The following ABCB5 variants were observed in gnomAD, a reference collection of about 807,000 sequenced individuals.
ABCB5 encodes ATP-binding cassette sub-family B member 5.
A neutral mutation model predicts 144.2 loss-of-function variants in ABCB5; 155 were observed. That is an observed-to-expected ratio of 1.08 (90% CI 0.94 to 1.23). The LOEUF is 1.23. Among genes scored for constraint, ABCB5 ranks in the 50% most tolerant of loss-of-function variants. The pLI is 0.00. For missense variants in ABCB5, 1,830 were observed against 1,520.8 expected (o/e 1.20, Z -3.38); for synonymous variants, 610 against 528.6 (o/e 1.15, Z -2.11).
Position 20,738,968 on chromosome 7 carries a change from T to C in ABCB5, c.2868-15T>C. 2.5e-6 allele frequency: 4 copies of C among 1,576,518 alleles called. No individual in the cohort carries two copies. Among genetic ancestry groups the C allele is most frequent in the South Asian group, 2.4e-5 (2 of 85,028 alleles). On this transcript the variant is annotated splice_polypyrimidine_tract_variant and intron_variant, in intron 23 of 27. Coordinates refer to ENST00000404938, the MANE Select transcript of ABCB5 (RefSeq NM_001163941.2). ...ATCGATGGACCTAAGATTCAAATGC[T>C]TTATCTTTTGATAGAGTTTTTACTG...
intron 14 of ABCB5, among the ~76,000 whole-genome samples, chr7:20,680,289 G>T (rs1213419380): frequency 6.6e-6 from 1 of 152,136 alleles, no homozygotes; most frequent in Non-Finnish European, 1.5e-5. Flanking sequence ...GCCGAGCGCG[G>T]TGGTCACGCC....
At chr7:20,731,297 G>T (rs1318567672) in intron 23 of ABCB5, among the ~76,000 whole-genome samples, 1 of 145,710 alleles carries the variant, frequency 6.9e-6, no homozygotes, top group African/African-American at 2.6e-5. Flanking sequence ...AGGTTGCAGT[G>T]AGCCGAGATC....
chr7:20,662,286 T>C (rs545583562), intron 14 of ABCB5, among the ~76,000 whole-genome samples: 2 of 152,318 alleles, frequency 1.3e-5, no homozygotes, highest in South Asian at 2.1e-4. Context: ...GTCTTAACCA[T>C]CACTGTGCTT....
intron 15 of ABCB5, among the ~76,000 whole-genome samples, chr7:20,683,215 C>A (rs996369000): frequency 5.9e-5 from 9 of 152,014 alleles, no homozygotes; most frequent in Non-Finnish European, 1.0e-4. Context: ...TCTGAACATA[C>A]CCTAAGAAGC....
intron 15 of ABCB5, 29 bp downstream of exon 15, chr7:20,681,695 C>G: frequency 1.2e-6 from 2 of 1,604,154 alleles, no homozygotes. Flanking sequence ...AATGCTATGT[C>G]AGCAGGGTTT....
intron 3 of ABCB5, 86 bp from the exon 4 acceptor site, chr7:20,628,602 G>T: frequency 1.4e-6 from 2 of 1,409,844 alleles, no homozygotes; most frequent in Non-Finnish European, 9.7e-7. Context: ...GGTGGCAAAG[G>T]CTGTAGGCTG....
At chr7:20,754,680 A>C (rs929018486) in intron 27 of ABCB5, among the ~76,000 whole-genome samples, 5 of 152,184 alleles carry the variant, frequency 3.3e-5, no homozygotes, top group African/African-American at 1.2e-4. Flanking sequence ...TAGATAAATA[A>C]ATTAGACAAT....
Position 20,651,520 on chromosome 7 carries a change from T to C in ABCB5, c.1433T>C (p.Ile478Thr). The change falls in exon 13 of 28, where the codon ATC becomes ACC. Residue 478 changes from isoleucine to threonine, a missense_variant. Coordinates refer to ENST00000404938, the MANE Select transcript of ABCB5 (RefSeq NM_001163941.2). ...SQEPVLFGTT[I>T]SNNIKYGRDD... ...GAGCCTGTTTTGTTCGGGACCACCA[T>C]CAGTAACAATATCAAGTATGGACGA... 6.2e-7 allele frequency: 1 copy of C among 1,614,094 alleles called. No individual in the cohort carries two copies. Among genetic ancestry groups the C allele is most frequent in the Non-Finnish European group, 8.5e-7 (1 of 1,180,014 alleles).
At chr7:20,693,208 A>T (rs1490821542) in intron 16 of ABCB5, among the ~76,000 whole-genome samples, 3 of 152,016 alleles carry the variant, frequency 2.0e-5, no homozygotes, top group Non-Finnish European at 2.9e-5. Context: ...ACAAAAAAAA[A>T]TAATAATAAT....
chr7:20,740,097 G>A lies in ABCB5; in HGVS notation c.3024+958G>A, dbSNP rs184920176. 1.4e-3 allele frequency among the ~76,000 whole-genome samples: 211 copies of A among 152,216 alleles called. 1 individual carries two copies. Among genetic ancestry groups the A allele is most frequent in the African/African-American group, 4.8e-3 (201 of 41,538 alleles). ...ATAAAAAAATTAAAAAAATTCAGCC[G>A]GGTGTGGTGGCACGCACCTGTAGTC... is the stretch of plus-strand genomic sequence containing the variant. On this transcript the variant is annotated intron_variant, in intron 24 of 27. Coordinates refer to ENST00000404938, the MANE Select transcript of ABCB5 (RefSeq NM_001163941.2).
rs991307965 is a variant in ABCB5, at chr7:20,745,369, G to A, written c.3360G>A (p.Val1120=). The change falls in exon 26 of 28, where the codon GTG becomes GTA. Residue 1120 remains valine (V), a synonymous_variant. Transcript: ENST00000404938. ...NIAYGDNSRV[V]PLDEIKEAAN... The stretch of plus-strand genomic sequence containing the variant: ...CCTATGGTGACAACAGCCGTGTGGT[G>A]CCATTAGATGAGATCAAAGAAGCCG... 6.2e-7 allele frequency: 1 copy of A among 1,614,028 alleles called. No individual in the cohort carries two copies. Among genetic ancestry groups the A allele is most frequent in the Admixed American group, 1.7e-5 (1 of 59,998 alleles).
At chr7:20,726,980 A>T in intron 21 of ABCB5, 60 bp from the exon 22 acceptor site, 3 of 1,241,640 alleles carry the variant, frequency 2.4e-6, no homozygotes, top group Admixed American at 4.3e-5. Context: ...GAATTCACAA[A>T]TGGGAAAAGA....
chr7:20,641,369 A>C (rs1009062679), intron 5 of ABCB5, among the ~76,000 whole-genome samples: 1 of 152,002 alleles, frequency 6.6e-6, no homozygotes, highest in African/African-American at 2.4e-5. Context: ...ACACACACAC[A>C]CACACACAAA....
intron 20 of ABCB5, among the ~76,000 whole-genome samples, chr7:20,717,513 G>A (rs1166075348): frequency 1.3e-5 from 2 of 150,482 alleles, no homozygotes; most frequent in Admixed American, 6.7e-5. Flanking sequence ...CGTTATGTTG[G>A]CTCACTGCAA....
chr7:20,704,075 C>CTT (rs71020669), intron 19 of ABCB5, among the ~76,000 whole-genome samples: 7 of 80,770 alleles, frequency 8.7e-5, no homozygotes, highest in African/African-American at 2.0e-4. Context: ...TATTGCCTTC[C>CTT]TTTTTTTTTT....
rs540190168 is a variant in ABCB5 at position 20,618,089 on chromosome 7, T to G, written c.-22+2252T>G. Reference sequence around the variant, plus strand: ...TATCATAGAATGTACCCATTTAAGATGTACAATTCAAAAGTTTTTGTATAT... The same window carrying G: ...TATCATAGAATGTACCCATTTAAGAGGTACAATTCAAAAGTTTTTGTATAT... On this transcript the variant is annotated intron_variant, in intron 1 of 27. Coordinates refer to ENST00000404938, the MANE Select transcript of ABCB5 (RefSeq NM_001163941.2). Among the ~76,000 whole-genome samples, 27 of 152,350 alleles carry G rather than the reference T, an allele frequency of 1.8e-4. No homozygotes were observed. In the South Asian group the frequency reaches 5.6e-3, roughly 32 times the overall value.
At chr7:20,705,303 C>G (rs1322982413) in intron 20 of ABCB5, among the ~76,000 whole-genome samples, 1 of 152,124 alleles carries the variant, frequency 6.6e-6, no homozygotes, top group Non-Finnish European at 1.5e-5. Flanking sequence ...CAGTAATATG[C>G]ATAACCAAGA....
intron 4 of ABCB5, among the ~76,000 whole-genome samples, chr7:20,630,056 G>A (rs1042245330): frequency 6.8e-6 from 1 of 147,256 alleles, no homozygotes; most frequent in Non-Finnish European, 1.5e-5. Flanking sequence ...CTATTTCAGG[G>A]TCATGTCTTT....
intron 20 of ABCB5, among the ~76,000 whole-genome samples, chr7:20,710,798 A>G (rs1322705019): frequency 6.7e-6 from 1 of 150,190 alleles, no homozygotes; most frequent in African/African-American, 2.5e-5. Context: ...GATTAGGTTT[A>G]AGTCTCTCAT....
Sources: allele counts gnomAD v4.1 joint callset (sites outside exome capture counted in the v4.1 genomes callset), GRCh38; gene constraint gnomAD v4.1.1; transcripts MANE v1.5; gene names NCBI Gene and HGNC (gene_info 2026-07-23, HGNC 2026-07-21).